SPOCK3: variants seen among roughly 807,000 people sequenced by gnomAD.
The protein encoded by SPOCK3 is testican-3.
A neutral mutation model predicts 56.6 loss-of-function variants in SPOCK3; 30 were observed. The observed-to-expected ratio is 0.53, with a 90% CI of 0.40 to 0.72. The LOEUF is 0.72. Among genes scored for constraint, SPOCK3 ranks in the 30% least tolerant of loss-of-function variants. The pLI is 0.00. For synonymous variants in SPOCK3, 196 were observed against 183.3 expected (o/e 1.07, Z -0.56); for missense variants, 527 against 530.0 (o/e 0.99, Z 0.06).
At chr4:166,940,106 G>A (rs988631157) in intron 4 of SPOCK3, among the ~76,000 whole-genome samples, 1 of 152,160 alleles carries the variant, frequency 6.6e-6, no homozygotes, top group African/African-American at 2.4e-5. Flanking sequence ...TATAAGTCAC[G>A]CATGGTGAGC....
chr4:167,095,947 G>A (rs1278720626), intron 2 of SPOCK3, among the ~76,000 whole-genome samples: 1 of 151,746 alleles, frequency 6.6e-6, no homozygotes, highest in Admixed American at 6.6e-5. Context: ...AAATGTTACT[G>A]GCTTTCTTGT....
chr4:167,221,276 G>A (rs1381615469), intron 2 of SPOCK3, among the ~76,000 whole-genome samples: 3 of 152,084 alleles, frequency 2.0e-5, no homozygotes, highest in East Asian at 3.9e-4. Context: ...GCGAAAGTGG[G>A]AGGATCACTT....
Position 166,792,217 on chromosome 4 carries a change from C to T in SPOCK3, c.662G>A (p.Gly221Glu). 6.2e-7 allele frequency: 1 copy of T among 1,613,924 alleles called. No individual in the cohort carries two copies. ...RDWFKALHES[G>E]SQNKKTKTLL... ...TGTTTTTGTCTTCTTGTTTTGACTTCCACTTTCATGAAGGGCCTTGAACCA... is the reference window on the plus strand; with the variant it reads ...TGTTTTTGTCTTCTTGTTTTGACTTTCACTTTCATGAAGGGCCTTGAACCA... The change falls in exon 7 of 11, where the codon GGA (glycine) becomes GAA (glutamate). Residue 221 changes from glycine to glutamate, a missense_variant. Gly to Glu is a moderately conservative substitution (Grantham distance 98). Coordinates refer to ENST00000357545, the MANE Select transcript of SPOCK3 (RefSeq NM_001040159.2).
At chr4:166,901,054 C>CT (rs1409556166) in intron 5 of SPOCK3, among the ~76,000 whole-genome samples, 1 of 152,114 alleles carries the variant, frequency 6.6e-6, no homozygotes, top group African/African-American at 2.4e-5. Context: ...CCAGACATTC[C>CT]TTTTTTCCAT....
At chr4:167,212,754 T>C (rs2111041491) in intron 2 of SPOCK3, among the ~76,000 whole-genome samples, 1 of 152,332 alleles carries the variant, frequency 6.6e-6, no homozygotes, top group Non-Finnish European at 1.5e-5. Flanking sequence ...AGAAATCACA[T>C]TCAATTCAAA....
rs568309777 is a variant in SPOCK3 at position 166,909,247 on chromosome 4, AATAAAATAATT to A, written c.474+3362_474+3372del. On this transcript the variant is annotated intron_variant, in intron 5 of 10. Transcript: ENST00000357545. ...TGATTAACTTCAAAGCTTGAACTCA[AATAAAATAATT>A]ATTCAAAATTGGTCACATTGCATAA... is the stretch of plus-strand genomic sequence containing the variant. Among the ~76,000 whole-genome samples, 232 of 152,218 alleles carry A rather than the reference AATAAAATAATT, an allele frequency of 1.5e-3. 1 individual carries two copies. The highest frequency in any genetic ancestry group is 2.7e-3 in the Non-Finnish European group (184 of 67,984).
At chr4:167,081,560 G>A (rs1757709108) in intron 2 of SPOCK3, among the ~76,000 whole-genome samples, 1 of 151,844 alleles carries the variant, frequency 6.6e-6, no homozygotes, top group Non-Finnish European at 1.5e-5. Flanking sequence ...CCACCAAAAA[G>A]GAAAAGCAAA....
intron 3 of SPOCK3, among the ~76,000 whole-genome samples, chr4:167,029,316 C>A (rs925867169): frequency 6.6e-6 from 1 of 151,448 alleles, no homozygotes; most frequent in Non-Finnish European, 1.5e-5. Context: ...AGTCTCTGAC[C>A]TTTTTAGAGT....
intron 7 of SPOCK3, among the ~76,000 whole-genome samples, chr4:166,773,313 AG>A (rs1233865879): frequency 1.3e-5 from 2 of 152,216 alleles, no homozygotes; most frequent in East Asian, 3.9e-4. Flanking sequence ...ATGTTGCAAA[AG>A]TCAAGTAATT....
intron 4 of SPOCK3, among the ~76,000 whole-genome samples, chr4:166,946,556 G>A (rs975769463): frequency 7.9e-5 from 12 of 152,124 alleles, no homozygotes; most frequent in Admixed American, 5.2e-4. Context: ...AGCTTCTTCA[G>A]TACTTCAAAT....
intron 1 of SPOCK3, 32 bp from the exon 2 acceptor site, chr4:167,234,205 G>A: frequency 6.8e-7 from 1 of 1,460,480 alleles, no homozygotes; most frequent in Non-Finnish European, 9.6e-7. Context: ...GGGGTGGGGG[G>A]GCATGTCAGT....
At chr4:166,837,146 GTTCATTCTTCTTTAAAGATTGGGAAGTC>G (rs1746703508) in intron 6 of SPOCK3, among the ~76,000 whole-genome samples, 1 of 152,112 alleles carries the variant, frequency 6.6e-6, no homozygotes, top group South Asian at 2.1e-4. Flanking sequence ...CAGGAGTTTT[GTTCATTCTTCTTTAAAGATTGGGAAGTC>G]TTTAAGATTC....
intron 6 of SPOCK3, among the ~76,000 whole-genome samples, chr4:166,882,589 C>T (rs1733791109): frequency 6.6e-6 from 1 of 152,124 alleles, no homozygotes; most frequent in Admixed American, 6.6e-5. Flanking sequence ...TCCTTTAGTG[C>T]TACAAGAATT....
At chr4:166,836,296 T>C (rs2126811282) in intron 6 of SPOCK3, among the ~76,000 whole-genome samples, 1 of 152,336 alleles carries the variant, frequency 6.6e-6, no homozygotes, top group South Asian at 2.1e-4. Flanking sequence ...CAAAGATTCA[T>C]GTATTAAATT....
intron 8 of SPOCK3, among the ~76,000 whole-genome samples, chr4:166,743,839 T>C (rs1735199493): frequency 6.6e-6 from 1 of 152,192 alleles, no homozygotes; most frequent in Non-Finnish European, 1.5e-5. Flanking sequence ...CCCACGCCCA[T>C]GGAGCTTTGC....
chr4:166,989,023 A>G (rs1747478265), intron 4 of SPOCK3, among the ~76,000 whole-genome samples: 1 of 152,082 alleles, frequency 6.6e-6, no homozygotes, highest in South Asian at 2.1e-4. Context: ...CCCTAGATAC[A>G]TATCAGTCAA....
chr4:167,009,684 C>G (rs1389574635), intron 3 of SPOCK3, among the ~76,000 whole-genome samples: 1 of 151,972 alleles, frequency 6.6e-6, no homozygotes, highest in African/African-American at 2.4e-5. Context: ...ATCACACACA[C>G]AAAATTGCAA....
In SPOCK3 at chr4:167,192,752, C is replaced by G. The variant is rs1192801345; in HGVS notation, c.189+41233G>C. Among the ~76,000 whole-genome samples, 2 of 145,480 alleles carry G rather than the reference C, an allele frequency of 1.4e-5. 1 individual carries two copies. Among genetic ancestry groups the G allele is most frequent in the Non-Finnish European group, 3.0e-5 (2 of 66,762 alleles). ...GGTATTTATCACTATAAGCTTTCCT[C>G]TTTGAACTTATTCTGCTGCCTCCCG... On this transcript the variant is annotated intron_variant, in intron 2 of 10. Transcript: ENST00000357545.
intron 1 of SPOCK3, 96 bp downstream of exon 1, chr4:167,234,350 TCACA>T: frequency 1.3e-5 from 8 of 636,688 alleles, no homozygotes; most frequent in Non-Finnish European, 1.9e-5. Context: ...AGCCGGGCAC[TCACA>T]CACACGCAGA....
Sources: allele counts gnomAD v4.1 joint callset (sites outside exome capture counted in the v4.1 genomes callset), GRCh38; gene constraint gnomAD v4.1.1; transcripts MANE v1.5; gene names NCBI Gene and HGNC (gene_info 2026-07-23, HGNC 2026-07-21).